The following CTNND2 variants were observed in gnomAD, a reference collection of about 807,000 sequenced individuals.
The protein encoded by CTNND2 is catenin delta 2.
A neutral mutation model predicts 144.4 loss-of-function variants in CTNND2; 22 were observed. The ratio of observed to expected loss-of-function variants is 0.15; its 90% confidence interval spans 0.11 to 0.22. The LOEUF is 0.22. CTNND2 is among the 10% of genes least tolerant of loss of function. The pLI is 1.00. For synonymous variants in CTNND2, 751 were observed against 695.6 expected (o/e 1.08, Z -1.25); for missense variants, 1,353 against 1,618.8 (o/e 0.84, Z 2.82).
At chr5:11,252,471 C>CGCCAG (rs1743766972) in intron 9 of CTNND2, among the ~76,000 whole-genome samples, 1 of 152,194 alleles carries the variant, frequency 6.6e-6, no homozygotes, top group East Asian at 1.9e-4. Flanking sequence ...ACAATAAGCA[C>CGCCAG]TGGCATAAGT....
Position 11,279,894 on chromosome 5 carries a change from G to A in CTNND2, c.1629-43071C>T, listed in dbSNP as rs1746945923. On this transcript the variant is annotated intron_variant, in intron 9 of 21. Transcript: ENST00000304623. ...CTTGCAAGAACTCACTCACTATTGC[G>A]AGCCCAGCACCAAGAGGATGGTGCT... Among the ~76,000 whole-genome samples, 4 of 152,204 alleles carry A rather than the reference G, an allele frequency of 2.6e-5. 1 individual carries two copies. The South Asian group carries it at 6.2e-4, about 24-fold the overall frequency.
At chr5:11,098,261 C>T (rs1751553841) in intron 15 of CTNND2, among the ~76,000 whole-genome samples, 1 of 152,088 alleles carries the variant, frequency 6.6e-6, no homozygotes, top group Non-Finnish European at 1.5e-5. Flanking sequence ...AAAATATCAA[C>T]CTGTCACAAT....
chr5:11,242,321 T>C (rs754469540), intron 9 of CTNND2, among the ~76,000 whole-genome samples: 18 of 152,158 alleles, frequency 1.2e-4, no homozygotes, highest in South Asian at 2.1e-4. Context: ...TAAGGTGTTA[T>C]TGAACTTAAG....
chr5:11,681,135 G>A (rs550350617), intron 2 of CTNND2, among the ~76,000 whole-genome samples: 1 of 152,322 alleles, frequency 6.6e-6, no homozygotes, highest in African/African-American at 2.4e-5. Flanking sequence ...CCCCAGTTGT[G>A]TAAGGAAGAA....
At chr5:11,548,182 A>G (rs150673561) in intron 3 of CTNND2, among the ~76,000 whole-genome samples, 1 of 152,360 alleles carries the variant, frequency 6.6e-6, no homozygotes, top group Non-Finnish European at 1.5e-5. Flanking sequence ...CAGGCAAACC[A>G]CGTAATACTT....
At chr5:11,241,898 C>G (rs1231980742) in intron 9 of CTNND2, among the ~76,000 whole-genome samples, 2 of 151,880 alleles carry the variant, frequency 1.3e-5, no homozygotes, top group Non-Finnish European at 2.9e-5. Context: ...GAGGAGGGAA[C>G]AGCACCTGCC....
intron 11 of CTNND2, among the ~76,000 whole-genome samples, chr5:11,164,122 T>A (rs982377422): frequency 1.3e-5 from 2 of 152,102 alleles, no homozygotes; most frequent in Middle Eastern, 3.2e-3. Context: ...TCATCATATC[T>A]CCTTCCTGGA....
At chr5:11,057,810 G>C (rs1036039037) in intron 16 of CTNND2, among the ~76,000 whole-genome samples, 3 of 152,192 alleles carry the variant, frequency 2.0e-5, no homozygotes, top group Non-Finnish European at 4.4e-5. Flanking sequence ...AATAATGACA[G>C]TGATATGGAC....
At chr5:11,536,622 G>A (rs1167097274) in intron 3 of CTNND2, among the ~76,000 whole-genome samples, 1 of 152,132 alleles carries the variant, frequency 6.6e-6, no homozygotes, top group Non-Finnish European at 1.5e-5. Context: ...AAGTAACTCA[G>A]GAATGGAAAA....
intron 3 of CTNND2, among the ~76,000 whole-genome samples, chr5:11,535,521 C>T (rs578058631): frequency 6.6e-6 from 1 of 152,164 alleles, no homozygotes; most frequent in East Asian, 1.9e-4. Flanking sequence ...ATAACAAGAA[C>T]TTTTTTTGTA....
chr5:11,312,446 G>A (rs1751076794), intron 9 of CTNND2, among the ~76,000 whole-genome samples: 1 of 152,090 alleles, frequency 6.6e-6, no homozygotes, highest in Admixed American at 6.5e-5. Context: ...AGCGGCAAGA[G>A]AAAATGAAGA....
chr5:11,042,380 T>C (rs747616085), intron 16 of CTNND2, among the ~76,000 whole-genome samples: 22 of 152,238 alleles, frequency 1.4e-4, no homozygotes, highest in Non-Finnish European at 2.8e-4. Flanking sequence ...TCTGTCTTGT[T>C]CTTATGTTAT....
intron 18 of CTNND2, among the ~76,000 whole-genome samples, chr5:11,000,456 G>A (rs1207477800): frequency 6.6e-6 from 1 of 152,182 alleles, no homozygotes; most frequent in Non-Finnish European, 1.5e-5. Flanking sequence ...GTAAGGCAGA[G>A]GTTGCAGTGA....
chr5:11,773,845 G>T (rs1315984992), intron 1 of CTNND2, among the ~76,000 whole-genome samples: 1 of 147,182 alleles, frequency 6.8e-6, no homozygotes, highest in Admixed American at 6.8e-5. Flanking sequence ...CAACAAACAT[G>T]CAAATTTATA....
chr5:11,603,933 G>T (rs556702268), intron 2 of CTNND2, among the ~76,000 whole-genome samples: 8 of 152,174 alleles, frequency 5.3e-5, no homozygotes, highest in Non-Finnish European at 1.0e-4. Context: ...AAACAAATCA[G>T]CATATTTATT....
At position 11,059,304 on chromosome 5, in the gene CTNND2, G is replaced by A. The variant is rs1580167202; in HGVS notation, c.2788+23392C>T. Among the ~76,000 whole-genome samples, 11 of 152,296 alleles carry A rather than the reference G, an allele frequency of 7.2e-5. 1 individual carries two copies. The South Asian group carries it at 2.3e-3, about 32-fold the overall frequency. On this transcript the variant is annotated intron_variant, in intron 16 of 21. Transcript: ENST00000304623. ...GGGAGGTAACTGAATCATGGGGGCA[G>A]GTCTTTCTTGTTCTGTTCTCACAAC...
At chr5:11,704,118 A>G (rs545481071) in intron 2 of CTNND2, among the ~76,000 whole-genome samples, 2 of 152,354 alleles carry the variant, frequency 1.3e-5, no homozygotes, top group African/African-American at 2.4e-5. Context: ...ATCAATGACT[A>G]GAAGACTAGA....
At chr5:11,637,749 A>C (rs1266110579) in intron 2 of CTNND2, among the ~76,000 whole-genome samples, 1 of 152,174 alleles carries the variant, frequency 6.6e-6, no homozygotes, top group Non-Finnish European at 1.5e-5. Context: ...TATGTTTTTT[A>C]AATTATTTAT....
chr5:11,769,100 G>A (rs563387113), intron 1 of CTNND2, among the ~76,000 whole-genome samples: 2 of 152,272 alleles, frequency 1.3e-5, no homozygotes, highest in East Asian at 3.9e-4. Context: ...TAAAAATGGA[G>A]AATTCTAGGC....
Sources: gnomAD v4.1 joint callset for allele counts (sites outside exome capture counted in the v4.1 genomes callset) on GRCh38, gnomAD v4.1.1 for gene constraint, MANE v1.5 for transcripts, NCBI Gene and HGNC (gene_info 2026-07-23, HGNC 2026-07-21) for gene names.